NUSAP1: variants seen among roughly 807,000 people sequenced by gnomAD.
NUSAP1 encodes nucleolar and spindle associated protein 1, also known as nucleolar and spindle-associated protein 1.
Under a neutral mutation model 52.8 loss-of-function variants are expected in NUSAP1, and 32 were observed. The ratio of observed to expected loss-of-function variants is 0.61; its 90% CI spans 0.46 to 0.81. The LOEUF is 0.81. Ranked by LOEUF, NUSAP1 falls within the 40% of genes least tolerant of loss-of-function variation. The pLI, the probability that NUSAP1 is intolerant of heterozygous loss-of-function variation, is 0.00. For synonymous variants in NUSAP1, 195 were observed against 183.1 expected, an observed-to-expected ratio of 1.06 and a Z score of -0.52; for missense variants, 499 against 522.3, an observed-to-expected ratio of 0.96 and a Z score of 0.43.
intron 9 of NUSAP1, among the ~76,000 whole-genome samples, chr15:41,376,153 T>C (rs1293737006): frequency 6.6e-6 from 1 of 150,746 alleles, no homozygotes; most frequent in African/African-American, 2.4e-5. Context: ...CCAGCACTTT[T>C]GGGAGGCTGA....
intron 10 of NUSAP1, among the ~76,000 whole-genome samples, chr15:41,379,169 G>T (rs1228205916): frequency 6.6e-6 from 1 of 151,868 alleles, no homozygotes; most frequent in Non-Finnish European, 1.5e-5. Flanking sequence ...GGCCAAGCTG[G>T]TCTCAAACTG....
intron 8 of NUSAP1, among the ~76,000 whole-genome samples, chr15:41,374,498 T>C (rs575405366): frequency 5.3e-5 from 8 of 152,226 alleles, no homozygotes; most frequent in African/African-American, 1.9e-4. Flanking sequence ...CAATATGAAT[T>C]TGGGATCGCA....
At chr15:41,366,297 T>TC (rs943907668) in intron 7 of NUSAP1, among the ~76,000 whole-genome samples, 7 of 150,828 alleles carry the variant, frequency 4.6e-5, no homozygotes, top group African/African-American at 1.5e-4. Context: ...TTTTCTTTTT[T>TC]TTTTTTTTCT....
At chr15:41,345,292 TCTC>T (rs1353840257) in intron 2 of NUSAP1, among the ~76,000 whole-genome samples, 1 of 151,628 alleles carries the variant, frequency 6.6e-6, no homozygotes, top group Non-Finnish European at 1.5e-5. Flanking sequence ...TCTGCCAGTT[TCTC>T]CTCTTTTACT....
chr15:41,349,593 T>C (rs1567048889), intron 3 of NUSAP1, among the ~76,000 whole-genome samples: 1 of 152,190 alleles, frequency 6.6e-6, no homozygotes, highest in Non-Finnish European at 1.5e-5. Context: ...CCTTCCTACC[T>C]TGTCCCTGGC....
At chr15:41,341,992 CCTCTACCTCTTT>C (rs898055313) in intron 1 of NUSAP1, among the ~76,000 whole-genome samples, 4 of 152,204 alleles carry the variant, frequency 2.6e-5, no homozygotes, top group African/African-American at 7.2e-5. Context: ...CTGTGCCATT[CCTCTACCTCTTT>C]CTCTACCTTC....
rs1164652794 is a variant in NUSAP1, at chr15:41,343,605, C to T, written c.162+1151C>T. Among the ~76,000 whole-genome samples, 5 of 152,124 alleles carry T rather than the reference C, an allele frequency of 3.3e-5. 1 individual carries two copies. The South Asian group carries it at 8.3e-4, about 25-fold the overall frequency. On this transcript the variant is annotated intron_variant, in intron 2 of 10. Transcript: ENST00000559596. ...CCGACCTCGGGTGATCCCACCACCTCGGCCTCCCAAAGTGCTGGGATTACA... is the reference window on the plus strand; with the variant it reads ...CCGACCTCGGGTGATCCCACCACCTTGGCCTCCCAAAGTGCTGGGATTACA...
Position 41,342,388 on chromosome 15 carries a change from A to G in NUSAP1, c.96A>G (p.Ala32=). 6.3e-7 allele frequency: 1 copy of G among 1,586,164 alleles called. No individual in the cohort carries two copies. Among genetic ancestry groups the G allele is most frequent in the Non-Finnish European group, 8.6e-7 (1 of 1,163,476 alleles). ...TAATAATAAGGTCTCTCTTGCAGGC[A>G]ACCAAGTTGTTAAAAGCCTTGAAAG... The part of the protein sequence containing the change: ...KSLGLRANLR[A]TKLLKALKGY... The change falls in exon 2 of 11, where the codon GCA becomes GCG. Residue 32 remains alanine, a splice_region_variant and synonymous_variant. Transcript: ENST00000559596.
At chr15:41,341,217 C>T (rs2048355072) in intron 1 of NUSAP1, among the ~76,000 whole-genome samples, 1 of 152,122 alleles carries the variant, frequency 6.6e-6, no homozygotes, top group Non-Finnish European at 1.5e-5. Context: ...AGGCACACAC[C>T]ACCATGCCCG....
intron 6 of NUSAP1, among the ~76,000 whole-genome samples, chr15:41,362,231 T>G (rs566024412): frequency 6.6e-6 from 1 of 151,810 alleles, no homozygotes; most frequent in African/African-American, 2.4e-5. Context: ...TTATTTTAAT[T>G]AATTTATCTA....
intron 1 of NUSAP1, among the ~76,000 whole-genome samples, chr15:41,336,659 T>TTTGTTTG (rs1555426250): frequency 6.8e-6 from 1 of 147,864 alleles, no homozygotes; most frequent in South Asian, 2.1e-4. Context: ...TTTTTTTTTT[T>TTTGTTTG]TTTTTTTTTT....
At position 41,351,034 on chromosome 15, in the gene NUSAP1, A is replaced by C. The variant is rs1376196344; in HGVS notation, c.353A>C (p.Asn118Thr). Residue 118 changes from asparagine (N) to threonine (T), a missense_variant, in exon 4 of 11, where the codon AAT (asparagine) becomes ACT (threonine). By Grantham distance (65) the Asn-to-Thr change is moderately conservative. Coordinates refer to ENST00000559596, the MANE Select transcript of NUSAP1 (RefSeq NM_016359.5). Reference protein sequence around the residue: ...IKISNPTEFQNHEKQESQDLR... With the variant: ...IKISNPTEFQTHEKQESQDLR... ...ATAAGTAATCCCACTGAATTCCAGA[A>C]TCATGAAAAGCAGGAAAGCCAGGAT... 2 of 1,613,474 alleles carry C rather than the reference A, an allele frequency of 1.2e-6. No homozygotes were observed. Among genetic ancestry groups the C allele is most frequent in the Middle Eastern group, 1.6e-4 (1 of 6,084 alleles).
chr15:41,376,085 T>C (rs2049921444), intron 9 of NUSAP1, among the ~76,000 whole-genome samples: 1 of 150,848 alleles, frequency 6.6e-6, no homozygotes, highest in African/African-American at 2.4e-5. Flanking sequence ...AAATAAAAAA[T>C]AAAAACTTAA....
In NUSAP1 at chr15:41,358,165, T is replaced by A. The variant is rs1391568367; in HGVS notation, c.567T>A (p.His189Gln). Residue 189 changes from histidine (H) to glutamine (Q), a missense_variant, in exon 6 of 11, where the codon CAT (histidine) becomes CAA (glutamine). His to Gln is a conservative substitution (Grantham distance 24). Coordinates refer to ENST00000559596, the MANE Select transcript of NUSAP1 (RefSeq NM_016359.5). ...ACATTCTAGACTTTAAGAAGCTTCA[T>A]GAAGCTCATTTTAAGGAAATGGAGT... ...AITTPNFKKL[H>Q]EAHFKEMESI... 2.0e-6 allele frequency: 3 copies of A among 1,523,496 alleles called. No individual in the cohort carries two copies. The highest frequency in any genetic ancestry group is 2.7e-6 in the Non-Finnish European group (3 of 1,110,058). The allele number at this position is 1,523,496 out of a possible 1,614,324, so 94.4% of individuals were successfully genotyped here. A position where few individuals can be genotyped will look rare whatever the true frequency, so the allele number is the denominator to read the frequency against.
At chr15:41,369,451 C>A (rs991851870) in intron 7 of NUSAP1, among the ~76,000 whole-genome samples, 3 of 151,834 alleles carry the variant, frequency 2.0e-5, no homozygotes, top group Non-Finnish European at 2.9e-5. Flanking sequence ...AGTTCAAGAC[C>A]AGCCATGACC....
intron 10 of NUSAP1, among the ~76,000 whole-genome samples, chr15:41,377,843 T>C (rs1331477183): frequency 6.7e-6 from 1 of 149,168 alleles, no homozygotes; most frequent in Non-Finnish European, 1.5e-5. Context: ...CTACTAAAAA[T>C]ACAAAAAATT....
At chr15:41,378,080 G>T (rs2050043765) in intron 10 of NUSAP1, among the ~76,000 whole-genome samples, 2 of 152,238 alleles carry the variant, frequency 1.3e-5, no homozygotes, top group African/African-American at 4.8e-5. Flanking sequence ...GCAGATTTGG[G>T]GTGAGGCCCA....
chr15:41,352,910 T>G (rs908910526), intron 4 of NUSAP1, among the ~76,000 whole-genome samples: 2 of 152,102 alleles, frequency 1.3e-5, no homozygotes, highest in African/African-American at 4.8e-5. Flanking sequence ...TTGTCTAATA[T>G]GTCCTCATGC....
chr15:41,344,892 G>A (rs2048503024), intron 2 of NUSAP1, among the ~76,000 whole-genome samples: 1 of 151,744 alleles, frequency 6.6e-6, no homozygotes, highest in South Asian at 2.1e-4. Context: ...AGTGAGCCAA[G>A]ATTACGCCGC....
Sources: gnomAD v4.1 joint callset for allele counts (sites outside exome capture counted in the v4.1 genomes callset) on GRCh38, gnomAD v4.1.1 for gene constraint, MANE v1.5 for transcripts, NCBI Gene and HGNC (gene_info 2026-07-23, HGNC 2026-07-21) for gene names.